TENM1: variants seen among roughly 807,000 people sequenced by gnomAD.
The protein encoded by TENM1 is teneurin-1.
TENM1 carries 35 observed loss-of-function variants against 174.8 expected under a neutral mutation model. The ratio of observed to expected loss-of-function variants is 0.20; its 90% CI spans 0.15 to 0.27. TENM1 has a LOEUF of 0.27. Among genes scored for constraint, TENM1 ranks in the 10% least tolerant of loss-of-function variants. TENM1 has a pLI of 1.00. For synonymous variants in TENM1, 781 were observed against 798.7 expected, an observed-to-expected ratio of 0.98 and a Z score of 0.37; for missense variants, 1,633 against 2,130.1, an observed-to-expected ratio of 0.77 and a Z score of 4.59.
intron 5 of TENM1, among the ~76,000 whole-genome samples, chrX:124,697,649 T>G (rs1603023549): frequency 9.0e-6 from 1 of 111,597 alleles, no homozygotes; most frequent in South Asian, 3.7e-4. Context: ...TTAAAATGGA[T>G]AATTTTTAAG....
At chrX:124,481,229 T>G (rs931634273) in intron 22 of TENM1, among the ~76,000 whole-genome samples, 2 of 112,063 alleles carry the variant, frequency 1.8e-5, no homozygotes, top group Non-Finnish European at 3.8e-5. Context: ...TTCATAATTT[T>G]GTTAAGCAAA....
In TENM1 at chrX:124,846,404, C is replaced by T. The variant is rs12389497; in HGVS notation, c.535+47892G>A. ...ATATAATCCAAGTGAAGTGATTCACCGTGGCTCAGGTGCAGGTTCCCCATC... is the reference window on the plus strand; with the variant it reads ...ATATAATCCAAGTGAAGTGATTCACTGTGGCTCAGGTGCAGGTTCCCCATC... On this transcript the variant is annotated intron_variant, in intron 3 of 31. Coordinates refer to ENST00000422452, the Ensembl canonical transcript of TENM1. Among the ~76,000 whole-genome samples, 811 of 111,227 alleles carry T rather than the reference C, an allele frequency of 7.3e-3. 6 individuals are homozygous for T. The highest frequency in any genetic ancestry group is 0.024 in the African/African-American group (745 of 30,632).
intron 11 of TENM1, among the ~76,000 whole-genome samples, chrX:124,633,678 G>A (rs916040936): frequency 7.2e-5 from 8 of 110,939 alleles, no homozygotes; most frequent in African/African-American, 2.6e-4. Context: ...TTGGATCTGA[G>A]ACTATTTTGT....
rs1412838048 is a variant in TENM1, at chrX:124,465,308, G to A, written c.3950-11817C>T. Among the ~76,000 whole-genome samples the A allele has an allele frequency of 1.5e-4, 17 of 111,913 alleles. No homozygotes were observed. The Admixed American group carries it at 1.6e-3, about 11-fold the overall frequency. On this transcript the variant is annotated intron_variant, in intron 22 of 31. Transcript: ENST00000422452. The stretch of plus-strand genomic sequence containing the variant: ...CTGTCGCCCAGGCTGGAGTGCAGTG[G>A]CATGATCACAACTCACTGCAGCCTC...
At chrX:124,527,998 G>A (rs2148064384) in intron 16 of TENM1, among the ~76,000 whole-genome samples, 1 of 108,304 alleles carries the variant, frequency 9.2e-6, no homozygotes, top group African/African-American at 3.4e-5. Context: ...CTTTTGAAAT[G>A]TACTTACTCA....
the TENM1 span, among the ~76,000 whole-genome samples, chrX:125,022,120 C>T: frequency 4.5e-5 from 5 of 111,606 alleles, no homozygotes; most frequent in Non-Finnish European, 9.4e-5. Flanking sequence ...TCAAGCGTAC[C>T]CCTGAATATT....
intron 11 of TENM1, among the ~76,000 whole-genome samples, chrX:124,618,349 A>G (rs1208344519): frequency 1.8e-5 from 2 of 112,127 alleles, no homozygotes; most frequent in African/African-American, 6.5e-5. Context: ...CTTAAGCTTT[A>G]TAACACATTG....
intron 19 of TENM1, among the ~76,000 whole-genome samples, chrX:124,501,873 G>C (rs1175337109): frequency 8.9e-6 from 1 of 111,815 alleles, no homozygotes; most frequent in African/African-American, 3.2e-5. Flanking sequence ...AGCAGAGCTG[G>C]CTTCAGATCT....
intron 11 of TENM1, among the ~76,000 whole-genome samples, chrX:124,639,379 G>T (rs1414631327): frequency 8.9e-6 from 1 of 112,050 alleles, no homozygotes; most frequent in African/African-American, 3.3e-5. Context: ...TAATTCAAAT[G>T]TTAAGACTTC....
intron 1 of TENM1, among the ~76,000 whole-genome samples, chrX:124,907,127 T>C (rs1332174702): frequency 8.9e-6 from 1 of 112,160 alleles, no homozygotes; most frequent in Admixed American, 9.5e-5. Flanking sequence ...GACAAGAATG[T>C]ACTCTGCTTG....
At chrX:124,905,133 G>A (rs1255350138) in intron 1 of TENM1, among the ~76,000 whole-genome samples, 1 of 110,044 alleles carries the variant, frequency 9.1e-6, no homozygotes, top group Non-Finnish European at 1.9e-5. Context: ...AAACCAGGCT[G>A]AGTAACAAAG....
At chrX:124,746,418 A>AT (rs1161364259) in intron 3 of TENM1, among the ~76,000 whole-genome samples, 5 of 111,599 alleles carry the variant, frequency 4.5e-5, no homozygotes, top group Non-Finnish European at 9.4e-5. Flanking sequence ...AAATAGAGCT[A>AT]TTTTTTGGGA....
At chrX:124,614,296 C>T (rs1455665078) in intron 11 of TENM1, among the ~76,000 whole-genome samples, 4 of 111,759 alleles carry the variant, frequency 3.6e-5, no homozygotes, top group Admixed American at 9.5e-5. Context: ...TGCAGCTTTA[C>T]GTAAAATTCT....
chrX:124,471,626 TTAATATA>T lies in TENM1; in HGVS notation c.3949+10099_3949+10105del, dbSNP rs1261771867. On this transcript the variant is annotated intron_variant, in intron 22 of 31. Coordinates refer to ENST00000422452, the Ensembl canonical transcript of TENM1. Reference sequence around the variant, plus strand: ...AGTAATATATAATATATAATATAGATTAATATATAATATATAATTATATAATATACAA... The same window carrying T: ...AGTAATATATAATATATAATATAGATTAATATATAATTATATAATATACAA... Among the ~76,000 whole-genome samples, 296 of 80,904 alleles carry T rather than the reference TTAATATA, an allele frequency of 3.7e-3. 2 individuals are homozygous for T. The highest frequency in any genetic ancestry group is 0.013 in the African/African-American group (279 of 20,830). The allele number at this position is 80,904 out of a possible 115,157, so 70.3% of individuals were successfully genotyped here.
At chrX:125,199,129 A>T in the TENM1 span, among the ~76,000 whole-genome samples, 7 of 111,299 alleles carry the variant, frequency 6.3e-5, no homozygotes, top group Non-Finnish European at 1.1e-4. Flanking sequence ...TTCTCTTTTG[A>T]CATGGATATT....
At chrX:124,779,536 G>A (rs1253049717) in intron 3 of TENM1, among the ~76,000 whole-genome samples, 4 of 111,856 alleles carry the variant, frequency 3.6e-5, no homozygotes, top group African/African-American at 6.5e-5. Context: ...TCATGAGCAC[G>A]TCTTAGGGAC....
At chrX:124,758,599 T>TCAGGACACTCAGGAC in intron 3 of TENM1, among the ~76,000 whole-genome samples, 1 of 111,988 alleles carries the variant, frequency 8.9e-6, no homozygotes, top group Non-Finnish European at 1.9e-5. Flanking sequence ...ACGTCCATTG[T>TCAGGACACTCAGGAC]ATTACTCAGG....
At chrX:124,517,003 A>G (rs978090484) in intron 18 of TENM1, among the ~76,000 whole-genome samples, 1 of 111,783 alleles carries the variant, frequency 8.9e-6, no homozygotes, top group Non-Finnish European at 1.9e-5. Context: ...TTGCGGGAAC[A>G]TGGATGGAGC....
At chrX:124,382,548 G>T in intron 31 of TENM1, 122 bp downstream of exon 34, 1 of 650,121 alleles carries the variant, frequency 1.5e-6, no homozygotes, top group Non-Finnish European at 2.3e-6. Context: ...AATTGTGCAC[G>T]TTTTAGTGAA....
Sources: gnomAD v4.1 joint callset for allele counts (sites outside exome capture counted in the v4.1 genomes callset) on GRCh38, gnomAD v4.1.1 for gene constraint, MANE v1.5 for transcripts, NCBI Gene and HGNC (gene_info 2026-07-23, HGNC 2026-07-21) for gene names.